The following TTN variants were observed in gnomAD, a reference collection of about 807,000 sequenced individuals.
TTN encodes the protein titin, also known as connectin.
TTN carries 1,525 observed loss-of-function variants against 3,223.0 expected under a neutral mutation model. That is an observed-to-expected ratio of 0.47 (90% CI 0.45 to 0.49). The LOEUF (loss-of-function observed/expected upper bound fraction) is 0.49, where lower values mean the gene tolerates loss of function less well. Among genes scored for constraint, TTN ranks in the 20% least tolerant of loss-of-function variants. The pLI is 0.00. For synonymous variants in TTN, 14,094 were observed against 15,161.0 expected (o/e 0.93, Z 5.17); for missense variants, 40,786 against 43,424.0 (o/e 0.94, Z 5.40).
chr2:178,545,696 G>A lies in TTN; in HGVS notation c.95417-3C>T, dbSNP rs1028629790. 6.2e-7 allele frequency: 1 copy of A among 1,610,148 alleles called. No individual in the cohort carries two copies. Among genetic ancestry groups the A allele is most frequent in the Non-Finnish European group, 8.5e-7 (1 of 1,177,182 alleles). ...TATGCCGGGTGGTGATGGAATAGCT[G>A]TTTATGAAAATAAGGATGATGAGAA... On this transcript the variant is annotated splice_region_variant and splice_polypyrimidine_tract_variant and intron_variant, in intron 343 of 362. Transcript: ENST00000589042.
chr2:178,629,833 C>T (rs145371348), intron 239 of TTN, among the ~76,000 whole-genome samples: 7 of 152,222 alleles, frequency 4.6e-5, no homozygotes, highest in East Asian at 3.9e-4. Flanking sequence ...CTTCCAGAAA[C>T]GTTAGCCTAA....
At chr2:178,747,910 C>T in intron 47 of TTN, 1 of 1,613,152 alleles carries the variant, frequency 6.2e-7, no homozygotes, top group Non-Finnish European at 8.5e-7. Context: ...GTGGGAAGCA[C>T]TGACTCAGGG....
At chr2:178,753,305 T>C in intron 46 of TTN, 125 bp from the exon 47 acceptor site, 1 of 720,914 alleles carries the variant, frequency 1.4e-6, no homozygotes, top group Non-Finnish European at 2.3e-6. Context: ...ATTCCCCAAA[T>C]TTACCAAAAA....
Position 178,669,644 on chromosome 2 carries a change from T to C in TTN, c.35418A>G (p.Glu11806=). ...TCAGAACAGCTTCACGAACTTTTTC[T>C]TCTGGGACAATTTTCTTGGGTACTT... ...APEVPKKIVP[E]EKVREAVLKK... is the part of the protein sequence containing the mutation. The change falls in exon 158 of 363, where the codon GAA becomes GAG. Residue 11806 remains glutamate, a synonymous_variant. Coordinates refer to ENST00000589042, the MANE Select transcript of TTN (RefSeq NM_001267550.2). 1 of 1,612,498 alleles carries C rather than the reference T, an allele frequency of 6.2e-7. No homozygotes were observed. Among genetic ancestry groups the C allele is most frequent in the South Asian group, 1.1e-5 (1 of 91,064 alleles).
At chr2:178,783,617 T>C (rs534528409) in intron 17 of TTN, 103 bp downstream of exon 17, 5 of 1,053,916 alleles carry the variant, frequency 4.7e-6, no homozygotes, top group Admixed American at 3.6e-5. Flanking sequence ...AGCTCACTAA[T>C]GTCATTTTTG....
In TTN at chr2:178,682,769, C is replaced by G; in HGVS notation, c.33022G>C (p.Glu11008Gln). The change falls in exon 135 of 363, where the codon GAA becomes CAA. Residue 11008 changes from glutamate (E) to glutamine (Q), a missense_variant. Glu to Gln is a conservative substitution (Grantham distance 29, BLOSUM62 2). Coordinates refer to ENST00000589042, the MANE Select transcript of TTN (RefSeq NM_001267550.2). Reference sequence around the variant, plus strand: ...TCGTATTCTTCATATTGGTCATATTCTTCTGTTGGTTCATACTCCTCAAAT... The same window carrying G: ...TCGTATTCTTCATATTGGTCATATTGTTCTGTTGGTTCATACTCCTCAAAT... The part of the protein sequence containing the change: ...KEFEEYEPTE[E>Q]YDQYEEYEER... The G allele has an allele frequency of 6.2e-7, 1 of 1,613,012 alleles. No individual in the cohort carries two copies. The highest frequency in any genetic ancestry group is 8.5e-7 in the Non-Finnish European group (1 of 1,179,268).
At chr2:178,550,908 G>T (rs923400271) in intron 336 of TTN, 59 bp downstream of exon 336, 1 of 1,527,090 alleles carries the variant, frequency 6.5e-7, no homozygotes, top group Non-Finnish European at 8.9e-7. Flanking sequence ...GGGGCCAAAT[G>T]TGTTTTTTAA....
In TTN at chr2:178,712,849, A is replaced by AG. The variant is rs1560584659; in HGVS notation, c.27175dup (p.Leu9059ProfsTer5). 6.2e-7 allele frequency: 1 copy of AG among 1,613,814 alleles called. No homozygotes were observed. The highest frequency in any genetic ancestry group is 1.7e-5 in the Admixed American group (1 of 59,998). ...CACGTTGCATCTGTCACCTGGTACT[A>AG]GTTCACTGCTACCTTTGAACCAGCT... On this transcript the variant is annotated frameshift_variant, in exon 94 of 363. Coordinates refer to ENST00000589042, the MANE Select transcript of TTN (RefSeq NM_001267550.2). LOFTEE classifies it high-confidence loss of function.
Position 178,692,556 on chromosome 2 carries a change from G to C in TTN, c.31619C>G (p.Ala10540Gly). Residue 10540 changes from alanine (A) to glycine (G), a missense_variant, in exon 120 of 363, where the codon GCT becomes GGT. By Grantham distance (60) the Ala-to-Gly change is moderately conservative. Transcript: ENST00000589042. Reference protein sequence around the residue: ...PKVPELPEKPAPEEVAPVPIP... With the variant: ...PKVPELPEKPGPEEVAPVPIP... ...AGGAACAGGGGCCACTTCTTCTGGA[G>C]CTGGTTTCTCAGGTAGCTCAGGGAC... The C allele has an allele frequency of 6.4e-7, 1 of 1,570,570 alleles. No individual in the cohort carries two copies. Among genetic ancestry groups the C allele is most frequent in the Non-Finnish European group, 8.6e-7 (1 of 1,160,366 alleles).
Position 178,537,897 on chromosome 2 carries a change from G to A in TTN, c.99310C>T (p.Arg33104Cys), listed in dbSNP as rs766169253. 71 of 1,610,518 alleles carry A rather than the reference G, an allele frequency of 4.4e-5. No homozygotes were observed. Among genetic ancestry groups the A allele is most frequent in the African/African-American group, 5.3e-5 (4 of 74,792 alleles). ...KLTSGEAPGI[R>C]KEMKDVTTKL... ...GTGGTAACATCCTTCATTTCTTTGC[G>A]TATTCCTGGGGCCTCTCCAGCTGAA... The change falls in exon 355 of 363, where the codon CGC (arginine) becomes TGC (cysteine). Residue 33104 changes from arginine to cysteine, a missense_variant. Arg to Cys is a radical substitution (Grantham distance 180). Coordinates refer to ENST00000589042, the MANE Select transcript of TTN (RefSeq NM_001267550.2).
intron 20 of TTN, among the ~76,000 whole-genome samples, 190 bp downstream of exon 20, chr2:178,782,022 T>C (rs1002822281): frequency 6.6e-6 from 1 of 152,092 alleles, no homozygotes; most frequent in Non-Finnish European, 1.5e-5. Flanking sequence ...CCATCCACTT[T>C]TGTCACATAG....
In TTN at chr2:178,652,659, C is replaced by T. The variant is rs755524042; in HGVS notation, c.39037G>A (p.Val13013Ile). Residue 13013 changes from valine to isoleucine, a missense_variant, in exon 201 of 363, where the codon GTT becomes ATT. Coordinates refer to ENST00000589042, the MANE Select transcript of TTN (RefSeq NM_001267550.2). The stretch of plus-strand genomic sequence containing the variant: ...TAAACTCAATGACAAATACCTTTAA[C>T]AGGTGGGACTTCAGGCTTTTTAGGA... ...APPKKPEVPP[V>I]KVPEAPKEVV... is the part of the protein sequence containing the mutation. 4 of 1,613,036 alleles carry T rather than the reference C, an allele frequency of 2.5e-6. No individual in the cohort carries two copies. The highest frequency in any genetic ancestry group is 3.4e-6 in the Non-Finnish European group (4 of 1,179,426).
In TTN at chr2:178,530,242, T is replaced by G; in HGVS notation, c.106373A>C (p.Lys35458Thr). 1 of 1,593,666 alleles carries G rather than the reference T, an allele frequency of 6.3e-7. No homozygotes were observed. The highest frequency in any genetic ancestry group is 8.5e-7 in the Non-Finnish European group (1 of 1,170,636). ...RPTAIWTKDGKAITQGGKYKL... is the reference protein window; with the variant it reads ...RPTAIWTKDGTAITQGGKYKL... ...AAGAGACATTTAAGAACTGGTTACCTTTCCATCTTTTGTCCAGATGGCAGT... is the reference window on the plus strand; with the variant it reads ...AAGAGACATTTAAGAACTGGTTACCGTTCCATCTTTTGTCCAGATGGCAGT... The change falls in exon 358 of 363, where the codon AAG becomes ACG. Residue 35458 changes from lysine to threonine, a missense_variant and splice_region_variant. Coordinates refer to ENST00000589042, the MANE Select transcript of TTN (RefSeq NM_001267550.2).
chr2:178,530,823 T>TA lies in TTN; in HGVS notation c.105791dup (p.Ser35265IlefsTer34), dbSNP rs1688794902. ...GTGTTGGTTTTGTCTCTGTGGGTGA[T>TA]ACGGCTTTCGGGTGAGAAGGTTCTG... On this transcript the variant is annotated frameshift_variant, in exon 358 of 363. Transcript: ENST00000589042. LOFTEE classifies it high-confidence loss of function. 9 of 1,613,954 alleles carry TA rather than the reference T, an allele frequency of 5.6e-6. No individual in the cohort carries two copies. The highest frequency in any genetic ancestry group is 7.6e-6 in the Non-Finnish European group (9 of 1,179,870).
In TTN at chr2:178,564,113, A is replaced by G. The variant is rs371592971; in HGVS notation, c.82019T>C (p.Ile27340Thr). The G allele has an allele frequency of 5.0e-6, 8 of 1,613,650 alleles. No individual in the cohort carries two copies. The highest frequency in any genetic ancestry group is 1.7e-5 in the Admixed American group (1 of 59,982). The change falls in exon 326 of 363, where the codon ATA becomes ACA. Residue 27340 changes from isoleucine (I) to threonine (T), a missense_variant. Ile to Thr is a moderately conservative substitution (Grantham distance 89). Coordinates refer to ENST00000589042, the MANE Select transcript of TTN (RefSeq NM_001267550.2). ...AATATATTGTCCTCCATCAGTCCGT[A>G]TACAGTCTTTGACAACAAGAGTTGT... The part of the protein sequence containing the change: ...QKTTLVVKDC[I>T]RTDGGQYILK...
chr2:178,701,911 ACAGTTTTATT>A (rs1452468991), intron 109 of TTN, 119 bp downstream of exon 109: 3 of 979,692 alleles, frequency 3.1e-6, no homozygotes, highest in Non-Finnish European at 4.6e-6. Flanking sequence ...CTACTGCATA[ACAGTTTTATT>A]GAAAAATATT....
chr2:178,756,848 T>G, intron 45 of TTN, 51 bp from the exon 46 acceptor site: 2 of 1,532,506 alleles, frequency 1.3e-6, no homozygotes, highest in South Asian at 2.4e-5. Flanking sequence ...ATCTAAGCTT[T>G]GTCACTTGCC....
Position 178,597,903 on chromosome 2 carries a change from AT to A in TTN, c.57262+4del. Reference sequence around the variant, plus strand: ...CTGATGGCATAAGGAAGGATTGATAATTACCAAGTCTGTCCTTCATTTCAAT... The same window carrying A: ...CTGATGGCATAAGGAAGGATTGATAATACCAAGTCTGTCCTTCATTTCAAT... On this transcript the variant is annotated splice_donor_region_variant and intron_variant, in intron 293 of 362. Transcript: ENST00000589042. The A allele has an allele frequency of 1.2e-6, 2 of 1,613,032 alleles. No individual in the cohort carries two copies. Among genetic ancestry groups the A allele is most frequent in the Non-Finnish European group, 1.7e-6 (2 of 1,179,500 alleles).
At position 178,561,147 on chromosome 2, in the gene TTN, C is replaced by A; in HGVS notation, c.84985G>T (p.Ala28329Ser). 6.2e-7 allele frequency: 1 copy of A among 1,613,714 alleles called. No individual in the cohort carries two copies. The highest frequency in any genetic ancestry group is 1.3e-5 in the African/African-American group (1 of 75,022). Residue 28329 changes from alanine to serine, a missense_variant, in exon 326 of 363, where the codon GCA (alanine) becomes TCA (serine). Physicochemically the swap from Ala to Ser is moderately conservative, Grantham distance 99. Coordinates refer to ENST00000589042, the MANE Select transcript of TTN (RefSeq NM_001267550.2). ...EDQRYEFRVFARNAADSVSEP... is the reference protein window; with the variant it reads ...EDQRYEFRVFSRNAADSVSEP... ...CTAACTGAGTCAGCAGCATTCCTTG[C>A]AAAAACCCGGAATTCATAACGCTGA...
Sources: allele counts gnomAD v4.1 joint callset (sites outside exome capture counted in the v4.1 genomes callset), GRCh38; gene constraint gnomAD v4.1.1; transcripts MANE v1.5; gene names NCBI Gene and HGNC (gene_info 2026-07-23, HGNC 2026-07-21).